MSRA: variants seen among roughly 807,000 people sequenced by gnomAD.
MSRA encodes the protein mitochondrial peptide methionine sulfoxide reductase.
A neutral mutation model predicts 31.3 loss-of-function variants in MSRA; 54 were observed. That is an observed-to-expected ratio of 1.73 (90% CI 1.39 to 2.17). The LOEUF (loss-of-function observed/expected upper bound fraction) is 2.17. Ranked by LOEUF, MSRA falls within the 30% of genes most tolerant of loss-of-function variation. The pLI is 0.00. For missense variants in MSRA, 507 were observed against 300.9 expected (o/e 1.69, Z -5.07); for synonymous variants, 169 against 116.5 (o/e 1.45, Z -2.90).
chr8:10,417,243 C>T (rs1808515402), intron 5 of MSRA, among the ~76,000 whole-genome samples: 1 of 152,152 alleles, frequency 6.6e-6, no homozygotes, highest in African/African-American at 2.4e-5. Context: ...GCTTCAGCCC[C>T]TTTGAACGCG....
chr8:10,328,047 TTTTTTAG>T (rs1217687775), intron 5 of MSRA, among the ~76,000 whole-genome samples: 8 of 140,876 alleles, frequency 5.7e-5, no homozygotes, highest in Non-Finnish European at 1.1e-4. Flanking sequence ...TTTTTTTTTT[TTTTTTAG>T]TATCAGTGAC....
chr8:10,116,990 A>G (rs772458415), intron 1 of MSRA, among the ~76,000 whole-genome samples: 3 of 152,178 alleles, frequency 2.0e-5, no homozygotes, highest in Non-Finnish European at 4.4e-5. Flanking sequence ...GGCCATATTG[A>G]GGCAGAGGCT....
At chr8:10,324,460 C>T (rs1802248177) in intron 5 of MSRA, among the ~76,000 whole-genome samples, 1 of 152,132 alleles carries the variant, frequency 6.6e-6, no homozygotes, top group South Asian at 2.1e-4. Flanking sequence ...AACATGGGTT[C>T]CTGCCCATCA....
chr8:10,391,661 G>T (rs529616347), intron 5 of MSRA, among the ~76,000 whole-genome samples: 1 of 152,316 alleles, frequency 6.6e-6, no homozygotes, highest in Non-Finnish European at 1.5e-5. Flanking sequence ...ACCTGAGGCT[G>T]AGCGTGGGCT....
chr8:10,328,934 T>A (rs756789298), intron 5 of MSRA, among the ~76,000 whole-genome samples: 30 of 152,306 alleles, frequency 2.0e-4, no homozygotes, highest in Non-Finnish European at 3.7e-4. Context: ...ATTCAGAGGC[T>A]GTGGACATGC....
chr8:10,252,733 C>T (rs1357275407), intron 3 of MSRA, among the ~76,000 whole-genome samples: 1 of 152,192 alleles, frequency 6.6e-6, no homozygotes, highest in Non-Finnish European at 1.5e-5. Flanking sequence ...GCAGACCTTA[C>T]ATATAATAAG....
At chr8:10,354,028 A>G (rs186482522) in intron 5 of MSRA, 2 of 160,822 alleles carry the variant, frequency 1.2e-5, no homozygotes, top group African/African-American at 4.8e-5. Flanking sequence ...CCTGCATTGC[A>G]GTGTATCTTA....
chr8:10,175,830 C>T (rs555432154), intron 1 of MSRA, among the ~76,000 whole-genome samples: 3 of 152,210 alleles, frequency 2.0e-5, no homozygotes, highest in Admixed American at 1.3e-4. Flanking sequence ...GTAGCCACAA[C>T]TCTATTCGCC....
rs1013176046 is a variant in MSRA, at chr8:10,055,621, G to C, written c.142+963G>C. Reference sequence around the variant, plus strand: ...GTGATTGTAATGTACGCTGTAGCTTGTAAACCACTGCCTTAGAGCTGTTGG... The same window carrying C: ...GTGATTGTAATGTACGCTGTAGCTTCTAAACCACTGCCTTAGAGCTGTTGG... On this transcript the variant is annotated intron_variant, in intron 1 of 5. Coordinates refer to ENST00000317173, the MANE Select transcript of MSRA (RefSeq NM_012331.5). 4.6e-5 allele frequency among the ~76,000 whole-genome samples: 7 copies of C among 152,234 alleles called. 1 individual carries two copies. Among genetic ancestry groups the C allele is most frequent in the African/African-American group, 1.7e-4 (7 of 41,460 alleles).
At chr8:10,066,618 C>G (rs182565699) in intron 1 of MSRA, among the ~76,000 whole-genome samples, 1 of 152,230 alleles carries the variant, frequency 6.6e-6, no homozygotes, top group Non-Finnish European at 1.5e-5. Context: ...ACTGCAACCT[C>G]TGCCTCCCAG....
At chr8:10,351,244 A>ATTT (rs1804123120) in intron 5 of MSRA, among the ~76,000 whole-genome samples, 1 of 79,742 alleles carries the variant, frequency 1.3e-5, no homozygotes, top group African/African-American at 5.3e-5. Flanking sequence ...TCTGAAGGAG[A>ATTT]CTTTTTTTTT....
intron 1 of MSRA, among the ~76,000 whole-genome samples, chr8:10,163,686 C>G (rs1804869745): frequency 6.6e-6 from 1 of 152,218 alleles, no homozygotes. Flanking sequence ...CAGCCGAGAT[C>G]AAAGGACCGT....
At chr8:10,420,031 GTAT>G (rs1419386284) in intron 5 of MSRA, among the ~76,000 whole-genome samples, 1 of 152,156 alleles carries the variant, frequency 6.6e-6, no homozygotes, top group Non-Finnish European at 1.5e-5. Flanking sequence ...TCCCAGATGT[GTAT>G]TATTTGACAG....
chr8:10,076,920 A>C (rs567022263), intron 1 of MSRA, among the ~76,000 whole-genome samples: 2 of 151,220 alleles, frequency 1.3e-5, no homozygotes, highest in Admixed American at 6.6e-5. Context: ...AGAACATTAG[A>C]AAAAAAAAGC....
chr8:10,292,408 C>T (rs190440739), intron 3 of MSRA, among the ~76,000 whole-genome samples: 1 of 152,374 alleles, frequency 6.6e-6, no homozygotes, highest in Non-Finnish European at 1.5e-5. Context: ...TGAGCACTCA[C>T]AGGTTGCACC....
chr8:10,332,693 C>T (rs1168405625), intron 5 of MSRA, among the ~76,000 whole-genome samples: 1 of 152,206 alleles, frequency 6.6e-6, no homozygotes. Context: ...TTCATTTCCA[C>T]TTATTACTGT....
chr8:10,298,272 A>G (rs766867786), intron 3 of MSRA, among the ~76,000 whole-genome samples: 5 of 152,174 alleles, frequency 3.3e-5, no homozygotes, highest in African/African-American at 9.7e-5. Flanking sequence ...AATACACCCA[A>G]TAGAATATTA....
At chr8:10,375,040 A>G (rs902328353) in intron 5 of MSRA, among the ~76,000 whole-genome samples, 1 of 152,196 alleles carries the variant, frequency 6.6e-6, no homozygotes, top group African/African-American at 2.4e-5. Flanking sequence ...CCAGAAGCCA[A>G]ACAGATGCTG....
At chr8:10,396,910 G>A (rs553354187) in intron 5 of MSRA, among the ~76,000 whole-genome samples, 56 of 152,302 alleles carry the variant, frequency 3.7e-4, no homozygotes, top group Admixed American at 9.8e-4. Context: ...GTGCTCCAAG[G>A]CATGACCTCT....
Sources: allele counts gnomAD v4.1 joint callset (sites outside exome capture counted in the v4.1 genomes callset), GRCh38; gene constraint gnomAD v4.1.1; transcripts MANE v1.5; gene names NCBI Gene and HGNC (gene_info 2026-07-23, HGNC 2026-07-21).